ELP1: variants seen among roughly 807,000 people sequenced by gnomAD.
ELP1 encodes elongator complex protein 1.
ELP1 carries 131 observed loss-of-function variants against 183.2 expected under a neutral mutation model. The ratio of observed to expected loss-of-function variants is 0.72; its 90% CI spans 0.62 to 0.83. ELP1 has a LOEUF of 0.83. Among genes scored for constraint, ELP1 ranks in the 40% least tolerant of loss-of-function variants. The probability of loss-of-function intolerance (pLI) is 0.00; values close to 1 mark genes in which losing one functional copy is unlikely to be tolerated. For missense variants in ELP1, 1,550 were observed against 1,594.9 expected (o/e 0.97, Z 0.48); for synonymous variants, 555 against 569.0 (o/e 0.98, Z 0.35).
intron 13 of ELP1, 34 bp downstream of exon 13, chr9:108,908,271 T>A (rs1176022958): frequency 6.7e-7 from 1 of 1,501,740 alleles, no homozygotes; most frequent in East Asian, 2.3e-5. Flanking sequence ...TGGCTGATTC[T>A]GTTCCCAGAA....
At chr9:108,919,174 G>T in intron 7 of ELP1, 79 bp downstream of exon 7, 1 of 1,007,428 alleles carries the variant, frequency 9.9e-7, no homozygotes, top group Non-Finnish European at 1.5e-6. Flanking sequence ...CCTACTCAAA[G>T]CAAAAGAAAG....
At position 108,929,853 on chromosome 9, in the gene ELP1, A is replaced by G. The variant is rs1482293693; in HGVS notation, c.219T>C (p.Gly73=). The G allele has an allele frequency of 1.9e-6, 3 of 1,613,864 alleles. No homozygotes were observed. The highest frequency in any genetic ancestry group is 2.5e-6 in the Non-Finnish European group (3 of 1,180,042). ...LPEDGSGRIV[G]VQDLLDQESV... is the part of the protein sequence containing the mutation. ...ACTCCTGATCCAGCAAGTCCTGAAC[A>G]CCAACAATGCGGCCACTTCCATCCT... Residue 73 remains glycine, a synonymous_variant, in exon 3 of 37, where the codon GGT becomes GGC. Transcript: ENST00000374647.
intron 1 of ELP1, among the ~76,000 whole-genome samples, chr9:108,931,780 T>G (rs1830010757): frequency 6.6e-6 from 1 of 152,174 alleles, no homozygotes; most frequent in African/African-American, 2.4e-5. Flanking sequence ...TGACAACAAT[T>G]TACTTCAAAA....
At chr9:108,902,972 T>G in intron 15 of ELP1, 30 bp from the exon 16 acceptor site, 1 of 1,525,820 alleles carries the variant, frequency 6.6e-7, no homozygotes, top group Non-Finnish European at 9.1e-7. Context: ...AGTTCACAAA[T>G]AGCTGATGCG....
intron 22 of ELP1, among the ~76,000 whole-genome samples, 188 bp downstream of exon 22, chr9:108,898,314 T>C (rs753489844): frequency 7.9e-5 from 12 of 152,204 alleles, no homozygotes; most frequent in Non-Finnish European, 7.4e-5. Context: ...TTTAAGGACA[T>C]AGTTTTAAAC....
intron 29 of ELP1, among the ~76,000 whole-genome samples, chr9:108,885,004 G>A (rs1828071485): frequency 6.6e-6 from 1 of 151,972 alleles, no homozygotes; most frequent in South Asian, 2.1e-4. Context: ...CAGCTTGAAT[G>A]TAGGAGTTTG....
At chr9:108,928,641 G>A (rs1484302054) in intron 3 of ELP1, among the ~76,000 whole-genome samples, 1 of 152,086 alleles carries the variant, frequency 6.6e-6, no homozygotes, top group Non-Finnish European at 1.5e-5. Flanking sequence ...GCACAATAGT[G>A]GGCTCTACCT....
intron 29 of ELP1, among the ~76,000 whole-genome samples, chr9:108,882,873 G>A (rs188204234): frequency 2.8e-4 from 43 of 152,244 alleles, no homozygotes; most frequent in African/African-American, 8.7e-4. Flanking sequence ...GTTTACAGGC[G>A]TTTGCTCATT....
intron 10 of ELP1, among the ~76,000 whole-genome samples, chr9:108,914,962 T>G (rs1428056296): frequency 6.6e-6 from 1 of 152,122 alleles, no homozygotes; most frequent in Non-Finnish European, 1.5e-5. Flanking sequence ...AACAAGATGA[T>G]AGCTATACTG....
chr9:108,905,440 T>C (rs903286117), intron 14 of ELP1, among the ~76,000 whole-genome samples: 1 of 152,106 alleles, frequency 6.6e-6, no homozygotes, highest in Non-Finnish European at 1.5e-5. Context: ...ACCTGTTACA[T>C]AATGAAGATA....
In ELP1 at chr9:108,869,190, C is replaced by T. The variant is rs1458228609; in HGVS notation, c.3932-8G>A. 3 of 1,613,558 alleles carry T rather than the reference C, an allele frequency of 1.9e-6. No homozygotes were observed. Among genetic ancestry groups the T allele is most frequent in the Non-Finnish European group, 2.5e-6 (3 of 1,179,620 alleles). On this transcript the variant is annotated splice_region_variant and splice_polypyrimidine_tract_variant and intron_variant, in intron 36 of 36. Transcript: ENST00000374647. ...GTATAAAAAGCTCAGCATCTAAAAG[C>T]AAGAAAGGAAGGGAAATTGTGACAG...
intron 18 of ELP1, 79 bp from the exon 19 acceptor site, chr9:108,900,454 T>C: frequency 1.0e-6 from 1 of 957,500 alleles, no homozygotes. Flanking sequence ...ACCGCACACA[T>C]TATGTGAAAT....
At chr9:108,923,167 C>T (rs1264540778) in intron 5 of ELP1, among the ~76,000 whole-genome samples, 15 of 152,060 alleles carry the variant, frequency 9.9e-5, no homozygotes, top group African/African-American at 2.2e-4. Context: ...TCCAGGAGTT[C>T]GAGACCAGCC....
chr9:108,906,554 G>A, intron 13 of ELP1, 69 bp from the exon 14 acceptor site: 1 of 1,332,860 alleles, frequency 7.5e-7, no homozygotes, highest in Non-Finnish European at 1.1e-6. Flanking sequence ...GTTCCTGGAT[G>A]AAGGAAGACT....
At chr9:108,920,933 A>G (rs1829623131) in intron 6 of ELP1, among the ~76,000 whole-genome samples, 1 of 152,172 alleles carries the variant, frequency 6.6e-6, no homozygotes, top group East Asian at 1.9e-4. Flanking sequence ...GTCTTACTCT[A>G]GCAGGTACCA....
chr9:108,920,151 A>T (rs955536066), intron 6 of ELP1, among the ~76,000 whole-genome samples: 1 of 152,194 alleles, frequency 6.6e-6, no homozygotes, highest in African/African-American at 2.4e-5. Flanking sequence ...GAAAACGTAG[A>T]TGGCAAGCAG....
chr9:108,896,848 A>C, intron 24 of ELP1, 105 bp downstream of exon 24: 1 of 1,178,444 alleles, frequency 8.5e-7, no homozygotes, highest in Non-Finnish European at 1.3e-6. Context: ...CTAAAAAGTC[A>C]CATGTTAAAT....
At chr9:108,919,189 T>C in intron 7 of ELP1, 64 bp downstream of exon 7, 1 of 1,149,428 alleles carries the variant, frequency 8.7e-7, no homozygotes, top group Non-Finnish European at 1.3e-6. Context: ...AGAAAGAAAA[T>C]TTTCCTTAAT....
intron 13 of ELP1, 30 bp downstream of exon 13, chr9:108,908,275 C>A (rs780906892): frequency 6.5e-7 from 1 of 1,530,124 alleles, no homozygotes. Context: ...TGATTCTGTT[C>A]CCAGAAGCCC....
Sources: allele counts gnomAD v4.1 joint callset (sites outside exome capture counted in the v4.1 genomes callset), GRCh38; gene constraint gnomAD v4.1.1; transcripts MANE v1.5; gene names NCBI Gene and HGNC (gene_info 2026-07-23, HGNC 2026-07-21).